The following CERS5 variants were observed in gnomAD, a reference collection of about 807,000 sequenced individuals.
CERS5 encodes the protein ceramide synthase 5.
CERS5 carries 37 observed loss-of-function variants against 58.9 expected under a neutral mutation model. The ratio of observed to expected loss-of-function variants is 0.63; its 90% confidence interval spans 0.48 to 0.83. CERS5 has a LOEUF of 0.83. Ranked by LOEUF, CERS5 falls within the 40% of genes least tolerant of loss-of-function variation. The pLI is 0.00. For synonymous variants in CERS5, 147 were observed against 177.8 expected (o/e 0.83, Z 1.38); for missense variants, 398 against 489.3 (o/e 0.81, Z 1.76).
rs1228892022 is a variant in CERS5, at chr12:50,166,602, C to T, written c.197+499G>A. ...TTAGGGCCAAACTAATCCTGTTCCC[C>T]CCAATTCTCGGAAACTCAAGCGTCC... On this transcript the variant is annotated intron_variant, in intron 1 of 9. Coordinates refer to ENST00000317551, the MANE Select transcript of CERS5 (RefSeq NM_147190.5). Among the ~76,000 whole-genome samples the T allele has an allele frequency of 4.6e-5, 7 of 152,302 alleles. No homozygotes were observed. The East Asian group carries it at 1.2e-3, about 25-fold the overall frequency.
At position 50,132,796 on chromosome 12, in the gene CERS5, G is replaced by GA. The variant is rs1468592172; in HGVS notation, c.1029+1749dup. On this transcript the variant is annotated intron_variant, in intron 9 of 9. Transcript: ENST00000317551. ...AGACTCAATTCTTGCCTCAGTTTAG[G>GA]AAAAAATCTGGCAACTGCAGCTCTA... Among the ~76,000 whole-genome samples the GA allele has an allele frequency of 3.9e-5, 6 of 152,110 alleles. No individual in the cohort carries two copies. The East Asian group carries it at 1.2e-3, about 29-fold the overall frequency.
chr12:50,132,631 G>A (rs1010042692), intron 9 of CERS5, among the ~76,000 whole-genome samples: 1 of 152,050 alleles, frequency 6.6e-6, no homozygotes, highest in Non-Finnish European at 1.5e-5. Flanking sequence ...TGTTGGATGG[G>A]TCTTCTACAG....
chr12:50,144,613 G>A lies in CERS5; in HGVS notation c.198-556C>T, dbSNP rs1952155875. 2.5e-5 allele frequency: 11 copies of A among 438,938 alleles called. No individual in the cohort carries two copies. In the East Asian group the frequency reaches 3.8e-4, roughly 15 times the overall value. 27.2% of individuals were successfully genotyped at this position (438,938 alleles called of 1,614,324 possible). A position where few individuals can be genotyped will look rare whatever the true frequency, so the allele number is the denominator to read the frequency against. Reference sequence around the variant, plus strand: ...TATCCTGGATCTTGGATACCTTCCTGCCTAACCAAGAGATTATGGAAATAC... The same window carrying A: ...TATCCTGGATCTTGGATACCTTCCTACCTAACCAAGAGATTATGGAAATAC... On this transcript the variant is annotated intron_variant, in intron 1 of 9. Transcript: ENST00000317551.
At chr12:50,143,447 T>A in intron 2 of CERS5, 1 of 393,130 alleles carries the variant, frequency 2.5e-6, no homozygotes, top group Non-Finnish European at 4.5e-6. Flanking sequence ...AAAAGGATAT[T>A]AAAAACCCAA....
intron 1 of CERS5, chr12:50,148,518 A>G (rs1329466646): frequency 3.1e-6 from 1 of 326,668 alleles, no homozygotes; most frequent in Non-Finnish European, 6.4e-6. Context: ...GATCTCTTGA[A>G]CTCGGGAGAC....
intron 9 of CERS5, chr12:50,133,476 A>C (rs993711499): frequency 5.0e-6 from 5 of 992,722 alleles, no homozygotes; most frequent in Non-Finnish European, 6.0e-6. Context: ...TATATAAACC[A>C]TATCTTGAAT....
chr12:50,154,214 G>A, intron 1 of CERS5: 1 of 352,396 alleles, frequency 2.8e-6, no homozygotes, highest in Non-Finnish European at 5.6e-6. Flanking sequence ...TTAGCTGGGT[G>A]CGGTGGCACA....
chr12:50,152,051 G>C (rs1008038535), intron 1 of CERS5, among the ~76,000 whole-genome samples: 1 of 151,858 alleles, frequency 6.6e-6, no homozygotes, highest in Non-Finnish European at 1.5e-5. Flanking sequence ...GTTTCCTCAG[G>C]GTTCACTTAG....
chr12:50,150,744 C>T (rs1012936160), intron 1 of CERS5, among the ~76,000 whole-genome samples: 5 of 152,220 alleles, frequency 3.3e-5, no homozygotes, highest in African/African-American at 7.2e-5. Flanking sequence ...GTATCTACTA[C>T]ATTTGGCAAT....
At chr12:50,132,974 A>C (rs1255327949) in intron 9 of CERS5, 15 of 1,288,960 alleles carry the variant, frequency 1.2e-5, no homozygotes, top group African/African-American at 1.5e-5. Flanking sequence ...GCAAGAGATG[A>C]AACTGTCCAG....
intron 9 of CERS5, among the ~76,000 whole-genome samples, chr12:50,131,707 GT>G (rs890560320): frequency 6.6e-6 from 1 of 152,038 alleles, no homozygotes; most frequent in Non-Finnish European, 1.5e-5. Context: ...ATTAACCTGG[GT>G]TTTTTTGTTT....
At chr12:50,152,200 CAA>C (rs2138184291) in intron 1 of CERS5, among the ~76,000 whole-genome samples, 1 of 152,216 alleles carries the variant, frequency 6.6e-6, no homozygotes, top group South Asian at 2.1e-4. Context: ...ATTTTCATAA[CAA>C]TATTATTATT....
At chr12:50,161,666 A>T (rs1177940202) in intron 1 of CERS5, among the ~76,000 whole-genome samples, 1 of 151,116 alleles carries the variant, frequency 6.6e-6, no homozygotes, top group Non-Finnish European at 1.5e-5. Context: ...ACTGCTAGCT[A>T]CTCAAGAGGC....
At chr12:50,151,836 G>A (rs1472160860) in intron 1 of CERS5, among the ~76,000 whole-genome samples, 4 of 152,142 alleles carry the variant, frequency 2.6e-5, no homozygotes, top group African/African-American at 9.7e-5. Context: ...AGTAGACACG[G>A]GTTTCACCAT....
At chr12:50,159,807 T>A (rs1939070650) in intron 1 of CERS5, among the ~76,000 whole-genome samples, 1 of 151,946 alleles carries the variant, frequency 6.6e-6, no homozygotes, top group Non-Finnish European at 1.5e-5. Flanking sequence ...GTCAGGCTGG[T>A]CTCGAACTCC....
intron 1 of CERS5, among the ~76,000 whole-genome samples, chr12:50,150,510 T>C (rs1443088821): frequency 6.6e-6 from 1 of 152,066 alleles, no homozygotes; most frequent in Non-Finnish European, 1.5e-5. Context: ...GTATGATATA[T>C]ATATAGAGAG....
At chr12:50,144,292 G>A in intron 1 of CERS5, 1 of 445,352 alleles carries the variant, frequency 2.2e-6, no homozygotes, top group South Asian at 2.9e-5. Flanking sequence ...TACAGGCGTG[G>A]GCCACTGTGC....
intron 8 of CERS5, 87 bp downstream of exon 8, chr12:50,135,645 C>A: frequency 1.0e-6 from 1 of 985,290 alleles, no homozygotes. Flanking sequence ...TAGAATAGAA[C>A]AGAAAAACTG....
In CERS5 at chr12:50,144,040, C is replaced by A; in HGVS notation, c.215G>T (p.Cys72Phe). 3.7e-6 allele frequency: 6 copies of A among 1,609,162 alleles called. No homozygotes were observed. Among genetic ancestry groups the A allele is most frequent in the Non-Finnish European group, 5.1e-6 (6 of 1,175,598 alleles). ...GTCCTCGATGCCAATACAGAGTGCA[C>A]AGGGTTTGGCAATAAATCTGTAATG... ...LLFERFIAKPCALCIGIEDSG... is the reference protein window; with the variant it reads ...LLFERFIAKPFALCIGIEDSG... Residue 72 changes from cysteine (C) to phenylalanine (F), a missense_variant, in exon 2 of 10, where the codon TGT (cysteine) becomes TTT (phenylalanine). Cys to Phe is a radical substitution (Grantham distance 205, BLOSUM62 -2). Coordinates refer to ENST00000317551, the MANE Select transcript of CERS5 (RefSeq NM_147190.5).
Sources: allele counts gnomAD v4.1 joint callset (sites outside exome capture counted in the v4.1 genomes callset), GRCh38; gene constraint gnomAD v4.1.1; transcripts MANE v1.5; gene names NCBI Gene and HGNC (gene_info 2026-07-23, HGNC 2026-07-21).